The following PCDH17 variants were observed in gnomAD, a reference collection of about 807,000 sequenced individuals.
PCDH17 encodes the protein protocadherin 17.
A neutral mutation model predicts 67.7 loss-of-function variants in PCDH17; 21 were observed. The ratio of observed to expected loss-of-function variants is 0.31; its 90% CI spans 0.22 to 0.45. The LOEUF is 0.45. Among genes scored for constraint, PCDH17 ranks in the 20% least tolerant of loss-of-function variants. The probability of loss-of-function intolerance (pLI) is 1.00; values close to 1 mark genes in which losing one functional copy is unlikely to be tolerated. For synonymous variants in PCDH17, 701 were observed against 656.7 expected (o/e 1.07, Z -1.03); for missense variants, 1,471 against 1,564.8 (o/e 0.94, Z 1.01).
At chr13:57,647,370 T>C (rs1954977207) in intron 1 of PCDH17, among the ~76,000 whole-genome samples, 1 of 151,854 alleles carries the variant, frequency 6.6e-6, no homozygotes, top group Non-Finnish European at 1.5e-5. Flanking sequence ...TATCCTTGGC[T>C]CTGGTCTCTT....
In PCDH17 at chr13:57,706,341, C is replaced by A. The variant is rs139755031; in HGVS notation, c.2798-18271C>A. Among the ~76,000 whole-genome samples, 686 of 152,156 alleles carry A rather than the reference C, an allele frequency of 4.5e-3. 4 individuals carry two copies. Among genetic ancestry groups the A allele is most frequent in the African/African-American group, 0.013 (548 of 41,522 alleles). On this transcript the variant is annotated intron_variant, in intron 3 of 3. Coordinates refer to ENST00000377918, the MANE Select transcript of PCDH17 (RefSeq NM_001040429.3). Reference sequence around the variant, plus strand: ...ATGGAAGACAAAAATTTAATTTTGTCATTTCAGTCTTGTTTTATCTTTCCA... The same window carrying A: ...ATGGAAGACAAAAATTTAATTTTGTAATTTCAGTCTTGTTTTATCTTTCCA...
intron 3 of PCDH17, among the ~76,000 whole-genome samples, chr13:57,722,897 C>T (rs932763108): frequency 6.6e-6 from 1 of 152,298 alleles, no homozygotes; most frequent in East Asian, 1.9e-4. Context: ...GCATAAGCCA[C>T]TATACCTGGC....
intron 3 of PCDH17, among the ~76,000 whole-genome samples, chr13:57,677,727 C>T (rs1367454361): frequency 1.3e-5 from 2 of 151,784 alleles, no homozygotes; most frequent in Admixed American, 1.3e-4. Flanking sequence ...ACTGACAGGT[C>T]ACTCCTGATT....
intron 1 of PCDH17, among the ~76,000 whole-genome samples, chr13:57,647,942 T>C (rs972988519): frequency 2.0e-5 from 3 of 151,916 alleles, no homozygotes; most frequent in Non-Finnish European, 4.4e-5. Context: ...AATGTATCAG[T>C]TCATCATATA....
chr13:57,685,802 T>C (rs1955500329), intron 3 of PCDH17, among the ~76,000 whole-genome samples: 1 of 151,894 alleles, frequency 6.6e-6, no homozygotes, highest in South Asian at 2.1e-4. Flanking sequence ...GTACGGAATT[T>C]AGGCCAGGAA....
At position 57,633,418 on chromosome 13, in the gene PCDH17, G is replaced by A. The variant is rs1233749705; in HGVS notation, c.872G>A (p.Arg291Gln). 1 of 1,613,426 alleles carries A rather than the reference G, an allele frequency of 6.2e-7. No individual in the cohort carries two copies. Among genetic ancestry groups the A allele is most frequent in the East Asian group, 2.2e-5 (1 of 44,846 alleles). ...AGCAGCTACGTGCCTGACCGCGTGCGGGAGCTCTTCTCCATCGACCCCAAG... is the reference window on the plus strand; with the variant it reads ...AGCAGCTACGTGCCTGACCGCGTGCAGGAGCTCTTCTCCATCGACCCCAAG... ...SFSSYVPDRV[R>Q]ELFSIDPKTG... Residue 291 changes from arginine to glutamine, a missense_variant, in exon 1 of 4, where the codon CGG becomes CAG. Arg to Gln is a conservative substitution (Grantham distance 43). Around this residue, in one of 3 missense-constraint regions of PCDH17, gnomAD observed 1,163 missense variants for 1,230.0 expected, o/e 0.95. Coordinates refer to ENST00000377918, the MANE Select transcript of PCDH17 (RefSeq NM_001040429.3). The surrounding 1 kb of genome is among the most constrained non-coding windows in gnomAD (Gnocchi z 6.2).
chr13:57,671,958 C>T (rs2138032589), intron 3 of PCDH17, among the ~76,000 whole-genome samples: 1 of 152,046 alleles, frequency 6.6e-6, no homozygotes, highest in African/African-American at 2.4e-5. Context: ...CTCATTTTTT[C>T]ATTTTATTTA....
In PCDH17 at chr13:57,647,471, A is replaced by G. The variant is rs2137994092; in HGVS notation, c.2565+12360A>G. ...TCTAGTGTACTTTTTAAAAATATTC[A>G]AATAAATATGTTGATAAGGCATGGT... is the stretch of plus-strand genomic sequence containing the variant. On this transcript the variant is annotated intron_variant, in intron 1 of 3. Coordinates refer to ENST00000377918, the MANE Select transcript of PCDH17 (RefSeq NM_001040429.3). Among the ~76,000 whole-genome samples, 2 of 151,886 alleles carry G rather than the reference A, an allele frequency of 1.3e-5. 1 individual carries two copies. The highest frequency in any genetic ancestry group is 3.9e-4 in the East Asian group (2 of 5,186).
In PCDH17 at chr13:57,727,464, G is replaced by T. The variant is rs996595455; in HGVS notation, c.*2170G>T. 1 of 151,964 alleles carries T rather than the reference G, an allele frequency of 6.6e-6. No individual in the cohort carries two copies. Among genetic ancestry groups the T allele is most frequent in the Admixed American group, 6.6e-5 (1 of 15,240 alleles). 9.4% of individuals were successfully genotyped at this position (151,964 alleles called of 1,614,324 possible). On this transcript the variant is annotated 3_prime_UTR_variant, in exon 4 of 4. Coordinates refer to ENST00000377918, the MANE Select transcript of PCDH17 (RefSeq NM_001040429.3). Reference sequence around the variant, plus strand: ...AAAAACTTCTACTGAAAATATTTCCGCCAAATGCCATCAATATTTTAGACT... The same window carrying T: ...AAAAACTTCTACTGAAAATATTTCCTCCAAATGCCATCAATATTTTAGACT...
intron 3 of PCDH17, among the ~76,000 whole-genome samples, chr13:57,667,750 T>C (rs1172260472): frequency 8.5e-6 from 1 of 118,104 alleles, no homozygotes; most frequent in Non-Finnish European, 1.7e-5. Context: ...AATTTTTGCC[T>C]GTAGGGCAGC....
At chr13:57,666,550 C>G (rs201635320) in intron 2 of PCDH17, 24 bp downstream of exon 2, 5 of 1,612,158 alleles carry the variant, frequency 3.1e-6, no homozygotes, top group Non-Finnish European at 4.2e-6. Context: ...AATAACTTTT[C>G]TCAGCTTCCC....
In PCDH17 at chr13:57,633,425, C is replaced by T; in HGVS notation, c.879C>T (p.Leu293=). 1 of 1,613,508 alleles carries T rather than the reference C, an allele frequency of 6.2e-7. No individual in the cohort carries two copies. Among genetic ancestry groups the T allele is most frequent in the Non-Finnish European group, 8.5e-7 (1 of 1,180,032 alleles). The change falls in exon 1 of 4, where the codon CTC becomes CTT. Residue 293 remains leucine (L), a synonymous_variant. Transcript: ENST00000377918. The surrounding 1 kb of genome is among the most constrained non-coding windows in gnomAD (Gnocchi z 6.2). Reference sequence around the variant, plus strand: ...ACGTGCCTGACCGCGTGCGGGAGCTCTTCTCCATCGACCCCAAGACCGGCC... The same window carrying T: ...ACGTGCCTGACCGCGTGCGGGAGCTTTTCTCCATCGACCCCAAGACCGGCC... The part of the protein sequence containing the change: ...SSYVPDRVRE[L]FSIDPKTGLI...
intron 3 of PCDH17, among the ~76,000 whole-genome samples, chr13:57,707,698 C>G (rs968889762): frequency 6.6e-6 from 1 of 151,948 alleles, no homozygotes; most frequent in African/African-American, 2.4e-5. Context: ...GGCTAGAAGT[C>G]CAACATCAAG....
At chr13:57,639,084 A>G (rs1954859925) in intron 1 of PCDH17, among the ~76,000 whole-genome samples, 1 of 152,030 alleles carries the variant, frequency 6.6e-6, no homozygotes, top group East Asian at 1.9e-4. Context: ...CTATATATAC[A>G]TCTCTACTTG....
At chr13:57,659,188 T>C (rs17260811) in intron 1 of PCDH17, among the ~76,000 whole-genome samples, 13,877 of 151,944 alleles carry the variant, frequency 0.091, 841 homozygotes, top group Admixed American at 0.14. Flanking sequence ...AATCCCAGAT[T>C]GAATTCTAGC....
At chr13:57,631,153 A>C (rs1480120360), upstream of PCDH17, among the ~76,000 whole-genome samples, 1 of 152,178 alleles carries the variant, frequency 6.6e-6, no homozygotes, top group Non-Finnish European at 1.5e-5. Flanking sequence ...GAAAAAAAAA[A>C]ACACGTACTT....
chr13:57,661,021 C>G (rs1955176043), intron 1 of PCDH17, among the ~76,000 whole-genome samples: 2 of 152,024 alleles, frequency 1.3e-5, no homozygotes, highest in South Asian at 4.1e-4. Context: ...GGGTATATCC[C>G]TAGAAGTAGG....
In PCDH17 at chr13:57,725,411, G is replaced by C; in HGVS notation, c.*117G>C. On this transcript the variant is annotated 3_prime_UTR_variant, in exon 4 of 4. Transcript: ENST00000377918. Reference sequence around the variant, plus strand: ...GAAGAAAGACCAATGCTGCTTTAAGGCTTTTAGTGAACATCTGAAGTGCCC... The same window carrying C: ...GAAGAAAGACCAATGCTGCTTTAAGCCTTTTAGTGAACATCTGAAGTGCCC... The C allele has an allele frequency of 1.2e-6, 1 of 855,990 alleles. No individual in the cohort carries two copies. 53.0% of individuals were successfully genotyped at this position (855,990 alleles called of 1,614,324 possible). A position where few individuals can be genotyped will look rare whatever the true frequency, so the allele number is the denominator to read the frequency against.
intron 3 of PCDH17, among the ~76,000 whole-genome samples, chr13:57,699,961 A>G (rs997241517): frequency 2.5e-4 from 38 of 152,132 alleles, no homozygotes; most frequent in African/African-American, 9.2e-4. Flanking sequence ...CCTTATGAGT[A>G]GGGATATCTT....
Sources: gnomAD v4.1 joint callset for allele counts (sites outside exome capture counted in the v4.1 genomes callset) on GRCh38, gnomAD v4.1.1 for gene constraint, gnomAD v4.1.1 regional missense constraint, Gnocchi (gnomAD v3.1) non-coding constraint, MANE v1.5 for transcripts, NCBI Gene and HGNC (gene_info 2026-07-23, HGNC 2026-07-21) for gene names.